NBEA: variants seen among roughly 807,000 people sequenced by gnomAD.
NBEA encodes lysosomal-trafficking regulator 2.
Under a neutral mutation model 343.4 loss-of-function variants are expected in NBEA, and 44 were observed. The ratio of observed to expected loss-of-function variants is 0.13; its 90% CI spans 0.10 to 0.16. The LOEUF is 0.16. NBEA is among the 10% of genes least tolerant of loss of function. NBEA has a pLI of 1.00. For missense variants in NBEA, 2,555 were observed against 3,631.3 expected (o/e 0.70, Z 7.62); for synonymous variants, 1,175 against 1,238.7 (o/e 0.95, Z 1.08).
intron 10 of NBEA, among the ~76,000 whole-genome samples, chr13:35,095,185 T>C (rs1369382430): frequency 6.6e-6 from 1 of 151,640 alleles, no homozygotes; most frequent in Non-Finnish European, 1.5e-5. Context: ...TCAAAGATAA[T>C]AAAACTTTAT....
intron 41 of NBEA, among the ~76,000 whole-genome samples, chr13:35,544,404 TAAAAAGAA>T (rs1171089091): frequency 6.6e-6 from 1 of 152,124 alleles, no homozygotes; most frequent in African/African-American, 2.4e-5. Context: ...TTAGCTTCCT[TAAAAAGAA>T]AAAAAGGTGA....
intron 48 of NBEA, among the ~76,000 whole-genome samples, chr13:35,625,707 G>C (rs1050964951): frequency 1.3e-5 from 2 of 151,986 alleles, no homozygotes; most frequent in Non-Finnish European, 2.9e-5. Flanking sequence ...TAAGGGATAT[G>C]AACAGGAAAT....
chr13:35,447,260 A>G (rs1035631372), intron 39 of NBEA, among the ~76,000 whole-genome samples: 5 of 152,154 alleles, frequency 3.3e-5, no homozygotes, highest in African/African-American at 9.7e-5. Context: ...CTTATTTAAA[A>G]TAACAACAAA....
chr13:34,991,644 A>G (rs1176162464), intron 1 of NBEA, among the ~76,000 whole-genome samples: 2 of 152,176 alleles, frequency 1.3e-5, no homozygotes, highest in Admixed American at 6.5e-5. Flanking sequence ...ATATCAATAT[A>G]CACTACACAG....
chr13:35,626,261 CA>C (rs1432566862), intron 48 of NBEA, among the ~76,000 whole-genome samples: 1 of 152,076 alleles, frequency 6.6e-6, no homozygotes, highest in East Asian at 1.9e-4. Context: ...ACATTAAATA[CA>C]TTATAGTTAT....
chr13:35,581,439 C>A (rs1369933092), intron 45 of NBEA, among the ~76,000 whole-genome samples: 1 of 151,834 alleles, frequency 6.6e-6, no homozygotes, highest in African/African-American at 2.4e-5. Flanking sequence ...AGTGTCTGTT[C>A]ATGTCCTTCG....
Position 35,582,661 on chromosome 13 carries a change from T to A in NBEA, c.7036-1237T>A, listed in dbSNP as rs1458723165. ...ATATAAATTGTTGAGTCTTTGTTAA[T>A]CATAATTAAAGTTAACAAAAAATGA... On this transcript the variant is annotated intron_variant, in intron 45 of 58. Transcript: ENST00000379939. Among the ~76,000 whole-genome samples, 3 of 152,188 alleles carry A rather than the reference T, an allele frequency of 2.0e-5. No homozygotes were observed. The East Asian group carries it at 5.8e-4, about 29-fold the overall frequency.
intron 49 of NBEA, among the ~76,000 whole-genome samples, chr13:35,634,322 G>A (rs1301674115): frequency 1.3e-5 from 2 of 152,102 alleles, no homozygotes; most frequent in East Asian, 1.9e-4. Flanking sequence ...CAGCCTGGGC[G>A]ACAGAGTGAG....
chr13:35,647,507 A>G (rs1340378716), intron 51 of NBEA, among the ~76,000 whole-genome samples: 1 of 152,226 alleles, frequency 6.6e-6, no homozygotes, highest in African/African-American at 2.4e-5. Flanking sequence ...ATACAGTGAC[A>G]AATAAGTCCT....
chr13:35,370,850 CTT>C (rs1426280379), intron 38 of NBEA, among the ~76,000 whole-genome samples: 3 of 151,836 alleles, frequency 2.0e-5, no homozygotes, highest in Non-Finnish European at 4.4e-5. Flanking sequence ...CTGGGAAAGA[CTT>C]TATTTCTCCT....
intron 48 of NBEA, among the ~76,000 whole-genome samples, chr13:35,619,948 C>A (rs1032008702): frequency 1.3e-5 from 2 of 152,152 alleles, no homozygotes; most frequent in African/African-American, 2.4e-5. Flanking sequence ...TTCCTTCGTT[C>A]ATTCCGTAAT....
chr13:35,327,911 T>TA (rs879544796), intron 36 of NBEA, among the ~76,000 whole-genome samples: 1,621 of 148,530 alleles, frequency 0.011, 10 homozygotes, highest in Non-Finnish European at 0.017. Context: ...TCCTGATATA[T>TA]AAAAAAAAAA....
chr13:35,341,175 C>T (rs1414352807), intron 36 of NBEA, among the ~76,000 whole-genome samples: 1 of 151,944 alleles, frequency 6.6e-6, no homozygotes, highest in Non-Finnish European at 1.5e-5. Context: ...GTCACTTCAA[C>T]AATGGTGCTG....
At chr13:35,310,775 C>G (rs547796247) in intron 36 of NBEA, among the ~76,000 whole-genome samples, 1 of 152,108 alleles carries the variant, frequency 6.6e-6, no homozygotes, top group African/African-American at 2.4e-5. Flanking sequence ...TATTTGAAAC[C>G]AGCTTTCATT....
chr13:35,001,229 A>G (rs757399317), intron 1 of NBEA, among the ~76,000 whole-genome samples: 5 of 152,200 alleles, frequency 3.3e-5, no homozygotes, highest in African/African-American at 1.2e-4. Context: ...GTAGGAATGT[A>G]CATTAATACA....
At chr13:35,273,204 C>G (rs2034305498) in intron 34 of NBEA, among the ~76,000 whole-genome samples, 1 of 152,152 alleles carries the variant, frequency 6.6e-6, no homozygotes, top group Admixed American at 6.5e-5. Context: ...GAAACTCACT[C>G]AAAACCACAC....
At chr13:35,324,296 A>C (rs1330072365) in intron 36 of NBEA, among the ~76,000 whole-genome samples, 3 of 152,238 alleles carry the variant, frequency 2.0e-5, no homozygotes, top group Admixed American at 2.0e-4. Context: ...TGCCAGGAGA[A>C]TTAGAATATT....
chr13:35,625,720 A>G (rs954197628), intron 48 of NBEA, among the ~76,000 whole-genome samples: 1 of 152,174 alleles, frequency 6.6e-6, no homozygotes, highest in Admixed American at 6.6e-5. Context: ...CAGGAAATTT[A>G]CAGAAGAGGA....
chr13:35,521,426 A>G (rs773539086), intron 41 of NBEA, among the ~76,000 whole-genome samples: 8 of 152,226 alleles, frequency 5.3e-5, no homozygotes, highest in African/African-American at 7.2e-5. Flanking sequence ...AGCTTAATGT[A>G]AAAGATCATT....
Sources: gnomAD v4.1 joint callset for allele counts (sites outside exome capture counted in the v4.1 genomes callset) on GRCh38, gnomAD v4.1.1 for gene constraint, MANE v1.5 for transcripts, NCBI Gene and HGNC (gene_info 2026-07-23, HGNC 2026-07-21) for gene names.